Variants in FOXP1 observed in about 807,000 individuals in gnomAD.
The protein encoded by FOXP1 is forkhead box protein P1.
A neutral mutation model predicts 98.2 loss-of-function variants in FOXP1; 15 were observed. That is an observed-to-expected ratio of 0.15 (90% CI 0.10 to 0.24). FOXP1 has a LOEUF of 0.24. Ranked by LOEUF, FOXP1 falls within the 10% of genes least tolerant of loss-of-function variation. The probability of loss-of-function intolerance (pLI) is 1.00; values close to 1 mark genes in which losing one functional copy is unlikely to be tolerated. For missense variants in FOXP1, 633 were observed against 848.5 expected (o/e 0.75, Z 3.15); for synonymous variants, 371 against 314.5 (o/e 1.18, Z -1.90).
intron 7 of FOXP1, among the ~76,000 whole-genome samples, chr3:71,110,026 A>G (rs1220019650): frequency 6.6e-6 from 1 of 152,160 alleles, no homozygotes; most frequent in Non-Finnish European, 1.5e-5. Context: ...CTTTTTATAC[A>G]GACTGAAGTG....
chr3:71,425,525 A>C (rs570713867), intron 3 of FOXP1, among the ~76,000 whole-genome samples: 104 of 152,224 alleles, frequency 6.8e-4, no homozygotes, highest in African/African-American at 2.2e-3. Context: ...TCAGAGCTGG[A>C]ACTCCCTCAA....
chr3:71,539,722 GA>G (rs1560628276), intron 2 of FOXP1, among the ~76,000 whole-genome samples: 1 of 151,976 alleles, frequency 6.6e-6, no homozygotes. Flanking sequence ...AAGTATTTTT[GA>G]TGCTATTGTA....
At chr3:71,526,943 G>C (rs954859758) in intron 2 of FOXP1, among the ~76,000 whole-genome samples, 3 of 150,142 alleles carry the variant, frequency 2.0e-5, no homozygotes, top group East Asian at 1.9e-4. Flanking sequence ...CTCCAGCCTG[G>C]GCAACAAGAG....
intron 5 of FOXP1, chr3:71,245,285 A>T (rs893133300): frequency 1.3e-5 from 2 of 152,162 alleles, no homozygotes; most frequent in Non-Finnish European, 2.9e-5. Flanking sequence ...CATAGTTGCA[A>T]TGAAATGGAA....
rs2062026235 is a variant in FOXP1, at chr3:71,177,786, T to C, written c.180+20416A>G. Among the ~76,000 whole-genome samples the C allele has an allele frequency of 2.0e-5, 3 of 152,020 alleles. No homozygotes were observed. The South Asian group carries it at 6.2e-4, about 32-fold the overall frequency. The stretch of plus-strand genomic sequence containing the variant: ...AATTTTCCATTGCTATTATTATTAC[T>C]TCTACTACTCTTACTACTAATAATA... On this transcript the variant is annotated intron_variant, in intron 6 of 20. Transcript: ENST00000649528.
At chr3:71,523,760 G>T (rs115804108) in intron 2 of FOXP1, among the ~76,000 whole-genome samples, 8 of 152,088 alleles carry the variant, frequency 5.3e-5, no homozygotes, top group African/African-American at 1.7e-4. Context: ...GTTTTAGGAG[G>T]CCCTAACATG....
Position 71,004,617 on chromosome 3 carries a change from C to T in FOXP1, c.975-3558G>A, listed in dbSNP as rs1012925347. On this transcript the variant is annotated intron_variant, in intron 12 of 20. Coordinates refer to ENST00000649528, the MANE Select transcript of FOXP1 (RefSeq NM_001349338.3). ...ATAACTAAATACTTAACGTTGTGCA[C>T]ATTTTGACGACTTAAAAAAGAAAGA... Among the ~76,000 whole-genome samples, 3 of 152,086 alleles carry T rather than the reference C, an allele frequency of 2.0e-5. 1 individual carries two copies. In the South Asian group the frequency reaches 6.2e-4, roughly 31 times the overall value.
intron 7 of FOXP1, among the ~76,000 whole-genome samples, chr3:71,089,913 G>GA (rs1457596828): frequency 6.6e-6 from 1 of 152,176 alleles, no homozygotes; most frequent in Non-Finnish European, 1.5e-5. Context: ...TGGCAAAGTG[G>GA]GAATGGGCAG....
intron 7 of FOXP1, among the ~76,000 whole-genome samples, chr3:71,076,595 T>A (rs535624125): frequency 6.6e-6 from 1 of 152,324 alleles, no homozygotes; most frequent in Admixed American, 6.5e-5. Context: ...GTGAAGGATT[T>A]GGTGTGGCTG....
At chr3:70,979,605 T>TAGTA (rs60904898) in intron 14 of FOXP1, among the ~76,000 whole-genome samples, 27,851 of 151,930 alleles carry the variant, frequency 0.18, 3,240 homozygotes, top group East Asian at 0.56. Context: ...TCACTTACCA[T>TAGTA]AGTAAGTCTA....
At chr3:71,513,222 T>G (rs1386049375) in intron 2 of FOXP1, among the ~76,000 whole-genome samples, 3 of 152,112 alleles carry the variant, frequency 2.0e-5, no homozygotes, top group African/African-American at 4.8e-5. Context: ...CACGTGATTT[T>G]CAATCTCAAG....
At chr3:71,509,242 C>CT (rs1357345617) in intron 2 of FOXP1, among the ~76,000 whole-genome samples, 2 of 152,178 alleles carry the variant, frequency 1.3e-5, no homozygotes, top group African/African-American at 4.8e-5. Context: ...GACTGGGTGG[C>CT]TTGAACCACA....
chr3:71,182,522 GTGTGTGTGTGTATA>G (rs1181812939), intron 6 of FOXP1, among the ~76,000 whole-genome samples: 1 of 148,426 alleles, frequency 6.7e-6, no homozygotes, highest in South Asian at 2.1e-4. Flanking sequence ...GTGTGTGTGT[GTGTGTGTGTGTATA>G]TATGTATATA....
intron 3 of FOXP1, among the ~76,000 whole-genome samples, chr3:71,420,025 C>T (rs1288991377): frequency 6.6e-6 from 1 of 151,972 alleles, no homozygotes; most frequent in African/African-American, 2.4e-5. Flanking sequence ...CCATGTTGGC[C>T]AGGCTGGTCT....
rs1473637744 is a variant in FOXP1, at chr3:71,198,211, C to T, written c.171G>A (p.Gln57=). 1 of 1,614,020 alleles carries T rather than the reference C, an allele frequency of 6.2e-7. No homozygotes were observed. Among genetic ancestry groups the T allele is most frequent in the Admixed American group, 1.7e-5 (1 of 60,014 alleles). The change falls in exon 6 of 21, where the codon CAG becomes CAA. Residue 57 remains glutamine (Q), a synonymous_variant. Transcript: ENST00000649528. ...GAADLAHAQQ[Q]QQQALQVARQ... ...CTCCAAAGCCCAGTACCTGTTGCTGCTGCTGCTGGGCGTGGGCGAGGTCAG... is the reference window on the plus strand; with the variant it reads ...CTCCAAAGCCCAGTACCTGTTGCTGTTGCTGCTGGGCGTGGGCGAGGTCAG...
intron 3 of FOXP1, among the ~76,000 whole-genome samples, chr3:71,488,422 G>T (rs1157540250): frequency 1.3e-5 from 2 of 152,188 alleles, no homozygotes; most frequent in Admixed American, 6.5e-5. Context: ...TGGGGTGGGG[G>T]TGTGGAGGTT....
At chr3:71,027,671 T>C (rs2046310177) in intron 11 of FOXP1, among the ~76,000 whole-genome samples, 1 of 152,194 alleles carries the variant, frequency 6.6e-6, no homozygotes, top group Non-Finnish European at 1.5e-5. Flanking sequence ...AGATTTGATA[T>C]TACATATATG....
chr3:71,399,023 A>G (rs2081760540), intron 3 of FOXP1, among the ~76,000 whole-genome samples: 1 of 152,234 alleles, frequency 6.6e-6, no homozygotes, highest in Non-Finnish European at 1.5e-5. Context: ...AAAGCATTTA[A>G]TAGCTTGATT....
At chr3:71,284,617 GA>G (rs985220613) in intron 5 of FOXP1, among the ~76,000 whole-genome samples, 4 of 152,066 alleles carry the variant, frequency 2.6e-5, no homozygotes, top group Non-Finnish European at 5.9e-5. Flanking sequence ...GTTATTACAG[GA>G]AAACTGGACA....
Sources: gnomAD v4.1 joint callset for allele counts (sites outside exome capture counted in the v4.1 genomes callset) on GRCh38, gnomAD v4.1.1 for gene constraint, MANE v1.5 for transcripts, NCBI Gene and HGNC (gene_info 2026-07-23, HGNC 2026-07-21) for gene names.